Variants in ABCF2 observed in about 807,000 individuals in gnomAD.
ABCF2 encodes ATP-binding cassette sub-family F member 2.
In ABCF2, 37 loss-of-function variants were observed where a neutral mutation model predicts 76.9. The ratio of observed to expected loss-of-function variants is 0.48; its 90% confidence interval spans 0.37 to 0.63. The LOEUF (loss-of-function observed/expected upper bound fraction) is 0.63. ABCF2 is among the 30% of genes least tolerant of loss of function. ABCF2 has a pLI of 0.00. For synonymous variants in ABCF2, 299 were observed against 283.7 expected (o/e 1.05, Z -0.54); for missense variants, 524 against 782.1 (o/e 0.67, Z 3.94).
chr7:151,213,288 C>T lies in ABCF2; in HGVS notation c.*766G>A. On this transcript the variant is annotated 3_prime_UTR_variant, in exon 15 of 15. Coordinates refer to ENST00000287844, the MANE Select transcript of ABCF2 (RefSeq NM_007189.3). Reference sequence around the variant, plus strand: ...CTGGCAATCTGATTGCATGAGCCCTCCAGGTGATTCTGATTCATGTTAAAG... The same window carrying T: ...CTGGCAATCTGATTGCATGAGCCCTTCAGGTGATTCTGATTCATGTTAAAG... 1.0e-6 allele frequency: 1 copy of T among 980,896 alleles called. No individual in the cohort carries two copies. The highest frequency in any genetic ancestry group is 1.2e-6 in the Non-Finnish European group (1 of 825,838). The allele number at this position is 980,896 out of a possible 1,614,324, so 60.8% of individuals were successfully genotyped here. A position where few individuals can be genotyped will look rare whatever the true frequency, so the allele number is the denominator to read the frequency against.
In ABCF2 at chr7:151,220,045, G is replaced by A. The variant is rs557194198; in HGVS notation, c.922-886C>T. On this transcript the variant is annotated intron_variant, in intron 7 of 14. Coordinates refer to ENST00000287844, the MANE Select transcript of ABCF2 (RefSeq NM_007189.3). ...ACCTGGGAGGCAGAAGTTGCAGTGA[G>A]CCAATATCACGCCACTGGACTCCAG... 7.9e-5 allele frequency among the ~76,000 whole-genome samples: 12 copies of A among 151,994 alleles called. No homozygotes were observed. In the East Asian group the frequency reaches 2.3e-3, roughly 29 times the overall value.
chr7:151,218,450 CCA>C (rs1563611552), intron 10 of ABCF2, 109 bp downstream of exon 10: 5 of 990,150 alleles, frequency 5.0e-6, no homozygotes, highest in Non-Finnish European at 7.6e-6. Context: ...TGAAAATCCC[CCA>C]GAGCACGTGG....
At position 151,212,190 on chromosome 7, in the gene ABCF2, CTG is replaced by C. The variant is rs568276728; in HGVS notation, c.*1862_*1863del. ...TATTATGAGTACTGAAAAATCATGG[CTG>C]TGTCTTCCCATAGGGATGGCTGATT... On this transcript the variant is annotated 3_prime_UTR_variant, in exon 15 of 15. Transcript: ENST00000287844. 74 of 985,426 alleles carry C rather than the reference CTG, an allele frequency of 7.5e-5. No homozygotes were observed. In the African/African-American group the frequency reaches 9.6e-4, roughly 13 times the overall value. The allele number at this position is 985,426 out of a possible 1,614,324, so 61.0% of individuals were successfully genotyped here.
chr7:151,224,527 C>T (rs569763174), intron 3 of ABCF2, among the ~76,000 whole-genome samples: 2 of 152,116 alleles, frequency 1.3e-5, no homozygotes, highest in East Asian at 1.9e-4. Context: ...GATGCTCAGC[C>T]GGTAAGTATA....
chr7:151,218,318 T>A (rs1480765801), intron 10 of ABCF2, 127 bp from the exon 11 acceptor site: 33 of 747,384 alleles, frequency 4.4e-5, no homozygotes, highest in Non-Finnish European at 7.4e-5. Flanking sequence ...GAGGAAGCAC[T>A]CATAGCAGAC....
intron 5 of ABCF2, 32 bp from the exon 6 acceptor site, chr7:151,222,648 C>G: frequency 6.4e-7 from 1 of 1,573,272 alleles, no homozygotes; most frequent in Middle Eastern, 1.7e-4. Context: ...AGAAGCACCT[C>G]AGAATTATAA....
intron 11 of ABCF2, among the ~76,000 whole-genome samples, chr7:151,216,852 C>T (rs747451211): frequency 6.6e-6 from 1 of 152,152 alleles, no homozygotes; most frequent in African/African-American, 2.4e-5. Context: ...CATCAAAATA[C>T]ATGTGAGCTA....
intron 10 of ABCF2, among the ~76,000 whole-genome samples, 160 bp from the exon 11 acceptor site, chr7:151,218,351 C>A (rs966292120): frequency 6.6e-6 from 1 of 152,174 alleles, no homozygotes; most frequent in Non-Finnish European, 1.5e-5. Flanking sequence ...ACTGCCTCCG[C>A]CCACCAACCC....
At chr7:151,223,605 T>C in intron 5 of ABCF2, 73 bp downstream of exon 5, 2 of 1,480,378 alleles carry the variant, frequency 1.4e-6, no homozygotes, top group Non-Finnish European at 9.1e-7. Context: ...TTCCAAACAG[T>C]TCCACTGGAG....
chr7:151,212,025 TTC>T lies in ABCF2; in HGVS notation c.*2027_*2028del, dbSNP rs1453248571. 2 of 946,410 alleles carry T rather than the reference TTC, an allele frequency of 2.1e-6. No homozygotes were observed. Among genetic ancestry groups the T allele is most frequent in the Non-Finnish European group, 1.3e-6 (1 of 794,580 alleles). 58.6% of individuals were successfully genotyped at this position (946,410 alleles called of 1,614,324 possible). A position where few individuals can be genotyped will look rare whatever the true frequency, so the allele number is the denominator to read the frequency against. ...AGAAATTTCCCTCCTTTTTGAATAC[TTC>T]TGTCTCCTATCTAAATCACAATTTA... On this transcript the variant is annotated 3_prime_UTR_variant, in exon 15 of 15. Transcript: ENST00000287844.
chr7:151,216,077 G>A (rs754278222), intron 11 of ABCF2, 48 bp from the exon 12 acceptor site: 4 of 1,539,368 alleles, frequency 2.6e-6, no homozygotes, highest in African/African-American at 2.7e-5. Flanking sequence ...AGGAAGCCCA[G>A]TTAGAAACAT....
chr7:151,223,574 G>A (rs1802315003), intron 5 of ABCF2, 104 bp downstream of exon 5: 4 of 1,326,242 alleles, frequency 3.0e-6, no homozygotes, highest in Admixed American at 2.4e-5. Flanking sequence ...TGTCTCATTT[G>A]ACACTTACCA....
Position 151,219,127 on chromosome 7 carries a change from T to C in ABCF2, c.954A>G (p.Leu318=). 6.2e-7 allele frequency: 1 copy of C among 1,614,042 alleles called. No homozygotes were observed. Among genetic ancestry groups the C allele is most frequent in the East Asian group, 2.2e-5 (1 of 44,868 alleles). Residue 318 remains leucine, a synonymous_variant, in exon 8 of 15, where the codon CTA becomes CTG. Transcript: ENST00000287844. ...GNYDQYVKTR[L]ELEENQMKRF... ...TCTTCATCTGGTTCTCCTCCAGCTC[T>C]AGCCGCGTCTTCACGTACTGATCAT...
chr7:151,224,190 G>A, intron 3 of ABCF2, 76 bp from the exon 4 acceptor site: 1 of 1,447,334 alleles, frequency 6.9e-7, no homozygotes, highest in Non-Finnish European at 9.4e-7. Flanking sequence ...TTCCACCCCA[G>A]TCAAACTGGG....
In ABCF2 at chr7:151,218,201, G is replaced by C. The variant is rs1322837203; in HGVS notation, c.1228-10C>G. On this transcript the variant is annotated splice_polypyrimidine_tract_variant and intron_variant, in intron 10 of 14. Coordinates refer to ENST00000287844, the MANE Select transcript of ABCF2 (RefSeq NM_007189.3). ...TATTGTAGATGCAAGGCTGAGGTGG[G>C]GATGAGAGAGATGTGGACACAAGGC... The C allele has an allele frequency of 1.3e-6, 2 of 1,576,956 alleles. No individual in the cohort carries two copies. Among genetic ancestry groups the C allele is most frequent in the South Asian group, 2.2e-5 (2 of 90,274 alleles).
chr7:151,224,529 G>C (rs1802335406), intron 3 of ABCF2, among the ~76,000 whole-genome samples: 1 of 152,174 alleles, frequency 6.6e-6, no homozygotes, highest in Non-Finnish European at 1.5e-5. Context: ...TGCTCAGCCG[G>C]TAAGTATAAT....
rs1802044458 is a variant in ABCF2, at chr7:151,211,530, A to G, written c.*2524T>C. 1.0e-6 allele frequency: 1 copy of G among 985,148 alleles called. No homozygotes were observed. Among genetic ancestry groups the G allele is most frequent in the Non-Finnish European group, 1.2e-6 (1 of 829,774 alleles). The allele number at this position is 985,148 out of a possible 1,614,324, so 61.0% of individuals were successfully genotyped here. A position where few individuals can be genotyped will look rare whatever the true frequency, so the allele number is the denominator to read the frequency against. Reference sequence around the variant, plus strand: ...TGTGGACTTTTAAAGCATTATTTAAATTACCAAGGTTGACATTTTTCTTGA... The same window carrying G: ...TGTGGACTTTTAAAGCATTATTTAAGTTACCAAGGTTGACATTTTTCTTGA... On this transcript the variant is annotated 3_prime_UTR_variant, in exon 15 of 15. Coordinates refer to ENST00000287844, the MANE Select transcript of ABCF2 (RefSeq NM_007189.3).
intron 10 of ABCF2, 142 bp from the exon 11 acceptor site, chr7:151,218,333 C>G (rs1028065594): frequency 2.8e-6 from 2 of 704,574 alleles, no homozygotes; most frequent in Non-Finnish European, 4.8e-6. Context: ...GCAGACCCCG[C>G]CTCGCCCACT....
At chr7:151,218,263 C>G in intron 10 of ABCF2, 72 bp from the exon 11 acceptor site, 1 of 1,076,832 alleles carries the variant, frequency 9.3e-7, no homozygotes, top group South Asian at 1.3e-5. Flanking sequence ...AGACCAAGCC[C>G]GCTGAATTCC....
Sources: gnomAD v4.1 joint callset for allele counts (sites outside exome capture counted in the v4.1 genomes callset) on GRCh38, gnomAD v4.1.1 for gene constraint, MANE v1.5 for transcripts, NCBI Gene and HGNC (gene_info 2026-07-23, HGNC 2026-07-21) for gene names.